ATP8A2: variants seen among roughly 807,000 people sequenced by gnomAD.
ATP8A2 encodes phospholipid-transporting ATPase IB.
A neutral mutation model predicts 165.6 loss-of-function variants in ATP8A2; 100 were observed. The observed-to-expected ratio is 0.60, with a 90% CI of 0.51 to 0.71. The LOEUF (loss-of-function observed/expected upper bound fraction) is 0.71, where lower values mean the gene tolerates loss of function less well. Among genes scored for constraint, ATP8A2 ranks in the 30% least tolerant of loss-of-function variants. The pLI, the probability that ATP8A2 is intolerant of heterozygous loss-of-function variation, is 0.00. For missense variants in ATP8A2, 1,227 were observed against 1,479.5 expected (o/e 0.83, Z 2.80); for synonymous variants, 543 against 548.8 (o/e 0.99, Z 0.15).
At chr13:25,908,786 A>G (rs1289606357) in intron 33 of ATP8A2, among the ~76,000 whole-genome samples, 1 of 152,260 alleles carries the variant, frequency 6.6e-6, no homozygotes, top group East Asian at 1.9e-4. Context: ...CCCTGTGCTC[A>G]TGATCCTGGT....
intron 1 of ATP8A2, among the ~76,000 whole-genome samples, chr13:25,403,334 G>A (rs2033698296): frequency 6.6e-6 from 1 of 152,166 alleles, no homozygotes; most frequent in Non-Finnish European, 1.5e-5. Flanking sequence ...GTGGTATTTT[G>A]TTACAGCGGG....
At chr13:25,992,861 C>T (rs1254028133) in intron 35 of ATP8A2, among the ~76,000 whole-genome samples, 27 of 150,470 alleles carry the variant, frequency 1.8e-4, no homozygotes, top group Non-Finnish European at 3.7e-4. Flanking sequence ...ACCACAGTCC[C>T]CAGAGTGTGA....
At chr13:25,530,507 C>T in intron 3 of ATP8A2, 55 bp from the exon 4 acceptor site, 4 of 1,036,618 alleles carry the variant, frequency 3.9e-6, no homozygotes, top group East Asian at 2.6e-5. Flanking sequence ...ATTTTCTGTT[C>T]ATGGAGAGGA....
chr13:25,625,245 A>G (rs575540020), intron 24 of ATP8A2, among the ~76,000 whole-genome samples: 2 of 152,200 alleles, frequency 1.3e-5, no homozygotes, highest in Non-Finnish European at 2.9e-5. Context: ...AATAAGAGAA[A>G]ACCTTTTATT....
chr13:25,748,088 G>C (rs1310507958), intron 25 of ATP8A2, among the ~76,000 whole-genome samples: 2 of 152,202 alleles, frequency 1.3e-5, no homozygotes, highest in African/African-American at 4.8e-5. Context: ...TTACTAAGTA[G>C]AGATATATTT....
intron 33 of ATP8A2, among the ~76,000 whole-genome samples, chr13:25,902,938 T>C (rs926319333): frequency 3.4e-5 from 3 of 88,300 alleles, no homozygotes; most frequent in African/African-American, 5.5e-5. Context: ...ATCCTCAGCA[T>C]GCACACACAC....
chr13:25,796,871 T>C (rs1950508837), intron 27 of ATP8A2, among the ~76,000 whole-genome samples: 1 of 152,252 alleles, frequency 6.6e-6, no homozygotes, highest in Non-Finnish European at 1.5e-5. Flanking sequence ...TAAATCTGTG[T>C]TTGGCTATTT....
At position 25,486,191 on chromosome 13, in the gene ATP8A2, G is replaced by A. The variant is rs184796340; in HGVS notation, c.221+17070G>A. ...GTTGATGGGTGCAATGTGCAATGCA[G>A]TATTCCAAATATTTTTTTTATCATG... On this transcript the variant is annotated intron_variant, in intron 2 of 36. Transcript: ENST00000381655. 2.7e-3 allele frequency among the ~76,000 whole-genome samples: 407 copies of A among 152,242 alleles called. 2 individuals carry two copies. The highest frequency in any genetic ancestry group is 3.4e-3 in the Middle Eastern group (1 of 294).
chr13:26,012,485 C>T, intron 35 of ATP8A2, 46 bp from the exon 36 acceptor site: 1 of 1,460,904 alleles, frequency 6.8e-7, no homozygotes, highest in Non-Finnish European at 9.3e-7. Flanking sequence ...TTGTGCAACC[C>T]GAGTGTTCAG....
intron 2 of ATP8A2, among the ~76,000 whole-genome samples, chr13:25,500,898 CT>C (rs1015736859): frequency 2.0e-5 from 3 of 152,124 alleles, no homozygotes; most frequent in African/African-American, 7.2e-5. Context: ...TAAGTTAAAA[CT>C]TTTTTGTGTA....
At chr13:25,709,549 G>A (rs1434401904) in intron 25 of ATP8A2, among the ~76,000 whole-genome samples, 1 of 152,098 alleles carries the variant, frequency 6.6e-6, no homozygotes, top group Non-Finnish European at 1.5e-5. Context: ...AATAACAATA[G>A]TAGGGAATAT....
intron 1 of ATP8A2, among the ~76,000 whole-genome samples, chr13:25,395,776 A>G (rs1189159090): frequency 6.6e-6 from 1 of 151,788 alleles, no homozygotes; most frequent in Non-Finnish European, 1.5e-5. Context: ...GCCTCAAGTG[A>G]TCGCCCTGCC....
chr13:25,711,235 C>T (rs2043152198), intron 25 of ATP8A2, among the ~76,000 whole-genome samples: 1 of 152,156 alleles, frequency 6.6e-6, no homozygotes, highest in Non-Finnish European at 1.5e-5. Flanking sequence ...GAACTCCTGA[C>T]CTCAAGACAC....
chr13:25,900,834 G>A (rs1456285163), intron 33 of ATP8A2, among the ~76,000 whole-genome samples: 1 of 152,276 alleles, frequency 6.6e-6, no homozygotes, highest in Non-Finnish European at 1.5e-5. Context: ...TGACTAAGAT[G>A]GAAAACACGG....
chr13:25,417,858 G>A (rs760173131), intron 1 of ATP8A2, among the ~76,000 whole-genome samples: 1 of 152,166 alleles, frequency 6.6e-6, no homozygotes, highest in Non-Finnish European at 1.5e-5. Flanking sequence ...AAATCTTTAA[G>A]CATAAACAGA....
chr13:25,981,827 T>G (rs932951579), intron 35 of ATP8A2, among the ~76,000 whole-genome samples: 20 of 152,284 alleles, frequency 1.3e-4, no homozygotes, highest in African/African-American at 4.8e-4. Context: ...AATAGACATT[T>G]TTGAGAGAGT....
chr13:25,734,654 T>C (rs1461712127), intron 25 of ATP8A2, among the ~76,000 whole-genome samples: 6 of 152,186 alleles, frequency 3.9e-5, no homozygotes, highest in Non-Finnish European at 8.8e-5. Context: ...TCCTTTCTTT[T>C]TGAGATGGAG....
chr13:25,444,964 G>A (rs1281663553), intron 1 of ATP8A2, among the ~76,000 whole-genome samples: 1 of 152,096 alleles, frequency 6.6e-6, no homozygotes, highest in Non-Finnish European at 1.5e-5. Flanking sequence ...GTGTTTATTG[G>A]CCATTTGGGT....
intron 1 of ATP8A2, among the ~76,000 whole-genome samples, chr13:25,431,077 A>G (rs2034596891): frequency 6.6e-6 from 1 of 152,140 alleles, no homozygotes; most frequent in Non-Finnish European, 1.5e-5. Context: ...GGTTATTTTG[A>G]TAACATAGCC....
Sources: allele counts gnomAD v4.1 joint callset (sites outside exome capture counted in the v4.1 genomes callset), GRCh38; gene constraint gnomAD v4.1.1; transcripts MANE v1.5; gene names NCBI Gene and HGNC (gene_info 2026-07-23, HGNC 2026-07-21).